The following CSMD1 variants were observed in gnomAD, a reference collection of about 807,000 sequenced individuals.
CSMD1 encodes the protein CUB and sushi domain-containing protein 1.
CSMD1 carries 213 observed loss-of-function variants against 417.5 expected under a neutral mutation model. That is an observed-to-expected ratio of 0.51 (90% CI 0.46 to 0.57). The LOEUF (loss-of-function observed/expected upper bound fraction) is 0.57. Ranked by LOEUF, CSMD1 falls within the 20% of genes least tolerant of loss-of-function variation. The pLI is 0.00. For synonymous variants in CSMD1, 2,862 were observed against 1,736.8 expected (o/e 1.65, Z -16.11); for missense variants, 6,923 against 4,529.7 (o/e 1.53, Z -15.17).
At chr8:4,931,449 G>A (rs1807239909) in intron 1 of CSMD1, among the ~76,000 whole-genome samples, 3 of 152,104 alleles carry the variant, frequency 2.0e-5, no homozygotes, top group African/African-American at 2.4e-5. Flanking sequence ...AATTTCAAAC[G>A]CCCAGCCTGC....
intron 5 of CSMD1, among the ~76,000 whole-genome samples, chr8:3,892,198 C>G (rs1414960346): frequency 6.6e-6 from 1 of 152,054 alleles, no homozygotes; most frequent in Non-Finnish European, 1.5e-5. Context: ...AATGTGTAGC[C>G]CTATTTTACA....
intron 3 of CSMD1, among the ~76,000 whole-genome samples, chr8:4,111,183 A>G (rs1801835727): frequency 6.6e-6 from 1 of 152,112 alleles, no homozygotes; most frequent in Admixed American, 6.5e-5. Flanking sequence ...TGTTCCCAAT[A>G]TTTTTGTTGA....
chr8:3,509,222 T>C lies in CSMD1; in HGVS notation c.1345-15496A>G, dbSNP rs140374980. Among the ~76,000 whole-genome samples the C allele has an allele frequency of 7.8e-3, 1,181 of 152,270 alleles. 20 individuals are homozygous for C. The highest frequency in any genetic ancestry group is 0.027 in the African/African-American group (1,123 of 41,538). On this transcript the variant is annotated intron_variant, in intron 10 of 69. Transcript: ENST00000635120. ...AATCTGGGCAATTAGAGAAACAATA[T>C]TATCTGGACCCCTTTACAAACACAG...
Position 3,310,196 on chromosome 8 carries a change from C to T in CSMD1, c.3632-1693G>A, listed in dbSNP as rs1307308883. 2.6e-5 allele frequency among the ~76,000 whole-genome samples: 4 copies of T among 152,118 alleles called. No homozygotes were observed. The South Asian group carries it at 8.3e-4, about 32-fold the overall frequency. On this transcript the variant is annotated intron_variant, in intron 23 of 69. Transcript: ENST00000635120. ...ATGACCTTCATCTCACTGCATAATG[C>T]CAAGAAGACAGGGCAGAAAGGAAGA...
intron 26 of CSMD1, among the ~76,000 whole-genome samples, chr8:3,256,557 C>A (rs1237865351): frequency 1.3e-5 from 2 of 152,092 alleles, no homozygotes; most frequent in South Asian, 2.1e-4. Flanking sequence ...ATAATCTTGC[C>A]CCTTTTGCTT....
At chr8:3,485,519 A>C (rs970808735) in intron 11 of CSMD1, among the ~76,000 whole-genome samples, 29 of 123,114 alleles carry the variant, frequency 2.4e-4, no homozygotes, top group Non-Finnish European at 1.7e-5. Flanking sequence ...ATAGAACTTC[A>C]TAACAATACA....
At chr8:3,057,411 AACTT>A (rs1157649902) in intron 49 of CSMD1, among the ~76,000 whole-genome samples, 7 of 152,140 alleles carry the variant, frequency 4.6e-5, no homozygotes, top group African/African-American at 1.4e-4. Context: ...AGGAAACACT[AACTT>A]AAGGGAATCA....
intron 49 of CSMD1, among the ~76,000 whole-genome samples, chr8:3,084,639 T>C (rs1390121679): frequency 2.0e-5 from 3 of 152,064 alleles, no homozygotes; most frequent in Admixed American, 6.5e-5. Context: ...CACATTTATA[T>C]TTTATATTTA....
Position 4,465,336 on chromosome 8 carries a change from A to G in CSMD1, c.303-45271T>C, listed in dbSNP as rs555617671. ...TGAAGATGACGGTCCCTGTGCTTGC[A>G]AAAAGTGTACATCAGTACATGTCTA... On this transcript the variant is annotated intron_variant, in intron 2 of 69. Transcript: ENST00000635120. Among the ~76,000 whole-genome samples the G allele has an allele frequency of 2.6e-5, 4 of 152,276 alleles. No individual in the cohort carries two copies. In the South Asian group the frequency reaches 8.3e-4, roughly 32 times the overall value.
chr8:4,972,894 G>A (rs1810327935), intron 1 of CSMD1, among the ~76,000 whole-genome samples: 2 of 151,992 alleles, frequency 1.3e-5, no homozygotes, highest in African/African-American at 4.8e-5. Context: ...ATAGGTACTG[G>A]GACCTACCTT....
At chr8:4,089,889 G>A (rs1021521673) in intron 3 of CSMD1, among the ~76,000 whole-genome samples, 4 of 152,096 alleles carry the variant, frequency 2.6e-5, no homozygotes, top group African/African-American at 9.7e-5. Context: ...GCAGAGCTGT[G>A]GGGTCAGGGA....
At chr8:3,690,407 T>TA (rs1302573292) in intron 7 of CSMD1, among the ~76,000 whole-genome samples, 2 of 152,226 alleles carry the variant, frequency 1.3e-5, no homozygotes, top group Non-Finnish European at 2.9e-5. Context: ...CAGCCTTTGA[T>TA]AAAATATTTG....
At chr8:3,843,750 T>A (rs904717700) in intron 5 of CSMD1, among the ~76,000 whole-genome samples, 3 of 152,158 alleles carry the variant, frequency 2.0e-5, no homozygotes, top group African/African-American at 2.4e-5. Context: ...CGGGAAATGT[T>A]TTAAAGCATT....
intron 12 of CSMD1, among the ~76,000 whole-genome samples, chr8:3,448,818 G>A (rs1815500798): frequency 6.6e-6 from 1 of 152,178 alleles, no homozygotes; most frequent in Non-Finnish European, 1.5e-5. Context: ...ATGTCTAAAT[G>A]ACACAACTTC....
At chr8:4,394,158 A>G (rs1359506427) in intron 3 of CSMD1, among the ~76,000 whole-genome samples, 1 of 152,172 alleles carries the variant, frequency 6.6e-6, no homozygotes, top group Non-Finnish European at 1.5e-5. Flanking sequence ...TATTCATTTG[A>G]ACTATCATCC....
intron 1 of CSMD1, among the ~76,000 whole-genome samples, chr8:4,758,983 C>G (rs1377838163): frequency 6.7e-6 from 1 of 148,562 alleles, no homozygotes; most frequent in South Asian, 2.1e-4. Flanking sequence ...AAGTGCATTG[C>G]ATGACTTTGT....
At chr8:4,837,044 G>C (rs766516420) in intron 1 of CSMD1, among the ~76,000 whole-genome samples, 1 of 149,556 alleles carries the variant, frequency 6.7e-6, no homozygotes, top group Non-Finnish European at 1.5e-5. Flanking sequence ...GTTGTTAAGA[G>C]ACCACCCATA....
intron 3 of CSMD1, among the ~76,000 whole-genome samples, chr8:4,342,593 G>C (rs1484037063): frequency 6.6e-6 from 1 of 151,626 alleles, no homozygotes; most frequent in Admixed American, 6.6e-5. Flanking sequence ...TAAGGTTACT[G>C]GGAAAAAAAA....
intron 5 of CSMD1, among the ~76,000 whole-genome samples, chr8:3,787,041 T>C (rs1325190765): frequency 6.6e-6 from 1 of 152,174 alleles, no homozygotes; most frequent in Non-Finnish European, 1.5e-5. Context: ...CTTCTATGTG[T>C]GAAGTGTCAT....
Sources: gnomAD v4.1 joint callset for allele counts (sites outside exome capture counted in the v4.1 genomes callset) on GRCh38, gnomAD v4.1.1 for gene constraint, MANE v1.5 for transcripts, NCBI Gene and HGNC (gene_info 2026-07-23, HGNC 2026-07-21) for gene names.